TRAPPC8: variants seen among roughly 807,000 people sequenced by gnomAD.
TRAPPC8 encodes the protein trafficking protein particle complex subunit 8.
Under a neutral mutation model 174.3 loss-of-function variants are expected in TRAPPC8, and 54 were observed. The observed-to-expected ratio is 0.31, with a 90% CI of 0.25 to 0.39. The LOEUF (loss-of-function observed/expected upper bound fraction) is 0.39. TRAPPC8 is among the 10% of genes least tolerant of loss of function. TRAPPC8 has a pLI of 1.00. For missense variants in TRAPPC8, 1,531 were observed against 1,699.1 expected (o/e 0.90, Z 1.74); for synonymous variants, 630 against 579.9 (o/e 1.09, Z -1.24).
At chr18:31,867,053 C>T in intron 17 of TRAPPC8, 78 bp from the exon 18 acceptor site, 1 of 1,463,260 alleles carries the variant, frequency 6.8e-7, no homozygotes. Context: ...TATAATGTTG[C>T]AAAAACATAA....
rs1748576204 is a variant in TRAPPC8, at chr18:31,857,521, T to A, written c.3188+19A>T. On this transcript the variant is annotated intron_variant, in intron 20 of 28. Coordinates refer to ENST00000283351, the MANE Select transcript of TRAPPC8 (RefSeq NM_014939.5). ...CATTGAACATAGATGTTAAATTTTA[T>A]AAGTTTTATAATACTAACCGTATTT... 1.3e-6 allele frequency: 2 copies of A among 1,535,918 alleles called. No homozygotes were observed. Among genetic ancestry groups the A allele is most frequent in the East Asian group, 4.5e-5 (2 of 44,146 alleles).
chr18:31,904,462 T>C (rs923587953), intron 9 of TRAPPC8, among the ~76,000 whole-genome samples: 10 of 152,004 alleles, frequency 6.6e-5, no homozygotes, highest in East Asian at 1.9e-4. Context: ...GAGGGGAGAA[T>C]AGCAGGATGG....
intron 19 of TRAPPC8, among the ~76,000 whole-genome samples, chr18:31,864,412 T>C (rs2034488262): frequency 6.6e-6 from 1 of 152,118 alleles, no homozygotes; most frequent in Non-Finnish European, 1.5e-5. Flanking sequence ...TCCATTAATA[T>C]TTTGAGGGTT....
chr18:31,887,607 T>C (rs547168306), intron 12 of TRAPPC8, among the ~76,000 whole-genome samples: 3 of 149,970 alleles, frequency 2.0e-5, no homozygotes, highest in South Asian at 2.1e-4. Flanking sequence ...GATCACGCCA[T>C]TGCACTCCAG....
chr18:31,903,431 G>A (rs909701745), intron 9 of TRAPPC8, among the ~76,000 whole-genome samples: 1 of 152,162 alleles, frequency 6.6e-6, no homozygotes, highest in Non-Finnish European at 1.5e-5. Context: ...GGGTTATGGT[G>A]TATATATACT....
intron 26 of TRAPPC8, among the ~76,000 whole-genome samples, chr18:31,843,290 A>T (rs1243792727): frequency 1.3e-5 from 2 of 152,132 alleles, no homozygotes; most frequent in Admixed American, 1.3e-4. Flanking sequence ...TTTTTCGGTT[A>T]AAATTTTACC....
intron 25 of TRAPPC8, among the ~76,000 whole-genome samples, chr18:31,849,342 A>G (rs1309568975): frequency 1.3e-5 from 2 of 152,160 alleles, no homozygotes; most frequent in African/African-American, 2.4e-5. Flanking sequence ...CATGTCTACA[A>G]TATTCTCGGT....
intron 21 of TRAPPC8, 24 bp from the exon 22 acceptor site, chr18:31,853,969 C>T: frequency 6.4e-7 from 1 of 1,567,732 alleles, no homozygotes; most frequent in Non-Finnish European, 8.7e-7. Flanking sequence ...AGATAGGAGT[C>T]ATTCAGGATT....
At chr18:31,921,748 A>C (rs1438454760) in intron 2 of TRAPPC8, among the ~76,000 whole-genome samples, 1 of 152,174 alleles carries the variant, frequency 6.6e-6, no homozygotes, top group African/African-American at 2.4e-5. Flanking sequence ...TGGAAAACGG[A>C]ATGTGATTAC....
chr18:31,848,347 G>A (rs1257337940), intron 25 of TRAPPC8, among the ~76,000 whole-genome samples: 1 of 152,136 alleles, frequency 6.6e-6, no homozygotes, highest in Admixed American at 6.5e-5. Context: ...ACTTAACAAT[G>A]AGTACAGAAT....
Position 31,857,619 on chromosome 18 carries a change from G to A in TRAPPC8, c.3109C>T (p.Arg1037Cys), listed in dbSNP as rs371614826. ...TGGACACCTTCTTCATCAGGCCCAC[G>A]TAACCACATTGGCAGCTGCACTGAG... is the stretch of plus-strand genomic sequence containing the variant. Reference protein sequence around the residue: ...GASVQLPMWLRGPDEEGVHEI... With the variant: ...GASVQLPMWLCGPDEEGVHEI... Residue 1037 changes from arginine to cysteine, a missense_variant, in exon 20 of 29, where the codon CGT becomes TGT. Transcript: ENST00000283351. 1.5e-5 allele frequency: 25 copies of A among 1,613,916 alleles called. No individual in the cohort carries two copies. The highest frequency in any genetic ancestry group is 1.9e-5 in the Non-Finnish European group (23 of 1,179,988).
At chr18:31,865,556 A>T (rs2034545457) in intron 18 of TRAPPC8, among the ~76,000 whole-genome samples, 1 of 151,992 alleles carries the variant, frequency 6.6e-6, no homozygotes, top group African/African-American at 2.4e-5. Flanking sequence ...TGCTTAGAAG[A>T]TAGGATTTTA....
intron 12 of TRAPPC8, among the ~76,000 whole-genome samples, chr18:31,879,191 A>C (rs1009284103): frequency 6.6e-6 from 1 of 152,318 alleles, no homozygotes; most frequent in South Asian, 2.1e-4. Flanking sequence ...TTATCTGTGC[A>C]TGGAACATTC....
chr18:31,914,143 A>AG (rs1008607785), intron 4 of TRAPPC8, among the ~76,000 whole-genome samples: 1 of 151,504 alleles, frequency 6.6e-6, no homozygotes, highest in African/African-American at 2.4e-5. Flanking sequence ...AAAAAAAAAA[A>AG]AAAAAAGGAG....
chr18:31,921,351 C>G (rs568279148), intron 2 of TRAPPC8, among the ~76,000 whole-genome samples: 1 of 152,212 alleles, frequency 6.6e-6, no homozygotes, highest in Admixed American at 6.5e-5. Context: ...CGGTGGCTCA[C>G]GCCTGTAATC....
intron 15 of TRAPPC8, 25 bp downstream of exon 15, chr18:31,870,901 A>G (rs1325060178): frequency 6.8e-7 from 1 of 1,476,324 alleles, no homozygotes; most frequent in African/African-American, 1.4e-5. Context: ...AATAAAAAAC[A>G]GAAATAAAAA....
rs1239205070 is a variant in TRAPPC8, at chr18:31,866,854, T to G, written c.2585A>C (p.His862Pro). The G allele has an allele frequency of 8.1e-6, 13 of 1,613,080 alleles. No homozygotes were observed. Among genetic ancestry groups the G allele is most frequent in the Non-Finnish European group, 1.0e-5 (12 of 1,179,474 alleles). The change falls in exon 18 of 29, where the codon CAC (histidine) becomes CCC (proline). Residue 862 changes from histidine to proline, a missense_variant. Physicochemically the swap from His to Pro is moderately conservative, Grantham distance 77 (BLOSUM62 -2). Transcript: ENST00000283351. Reference protein sequence around the residue: ...VDGIGALPGCHTGKYSLSMSV... With the variant: ...VDGIGALPGCPTGKYSLSMSV... ...ACCAATGCTATAGCCTTTACCTGTG[T>G]GACATCCGGGAAGAGCACCAATGCC... is the stretch of plus-strand genomic sequence containing the variant.
intron 12 of TRAPPC8, among the ~76,000 whole-genome samples, chr18:31,889,539 A>G (rs1598680107): frequency 6.6e-6 from 1 of 152,266 alleles, no homozygotes; most frequent in Non-Finnish European, 1.5e-5. Flanking sequence ...CCTTTTAACC[A>G]GAGATACACA....
chr18:31,852,332 G>A, intron 24 of TRAPPC8, 114 bp downstream of exon 24: 1 of 1,154,238 alleles, frequency 8.7e-7, no homozygotes, highest in Non-Finnish European at 1.2e-6. Context: ...GCAAGACCTT[G>A]TCTCCCCCCC....
Sources: gnomAD v4.1 joint callset for allele counts (sites outside exome capture counted in the v4.1 genomes callset) on GRCh38, gnomAD v4.1.1 for gene constraint, MANE v1.5 for transcripts, NCBI Gene and HGNC (gene_info 2026-07-23, HGNC 2026-07-21) for gene names.